JMJD1C: variants seen among roughly 807,000 people sequenced by gnomAD.
JMJD1C encodes the protein jumonji domain containing 1C.
In JMJD1C, 31 loss-of-function variants were observed where a neutral mutation model predicts 245.3. That is an observed-to-expected ratio of 0.13 (90% CI 0.09 to 0.17). The LOEUF (loss-of-function observed/expected upper bound fraction) is 0.17. JMJD1C is among the 10% of genes least tolerant of loss of function. The pLI, the probability that JMJD1C is intolerant of heterozygous loss-of-function variation, is 1.00. For synonymous variants in JMJD1C, 1,057 were observed against 1,017.4 expected, an observed-to-expected ratio of 1.04 and a Z score of -0.74; for missense variants, 2,691 against 3,000.2, an observed-to-expected ratio of 0.90 and a Z score of 2.41.
At chr10:63,430,729 T>C (rs1218614903) in intron 1 of JMJD1C, among the ~76,000 whole-genome samples, 2 of 152,202 alleles carry the variant, frequency 1.3e-5, no homozygotes, top group African/African-American at 4.8e-5. Context: ...TTTTATGCTA[T>C]GTAAATTATA....
At chr10:63,400,320 T>C (rs1020369767) in intron 1 of JMJD1C, among the ~76,000 whole-genome samples, 1 of 152,194 alleles carries the variant, frequency 6.6e-6, no homozygotes, top group African/African-American at 2.4e-5. Context: ...AACCCCATTA[T>C]AGGAGGTTAT....
chr10:63,238,289 T>C (rs76519798), intron 3 of JMJD1C, among the ~76,000 whole-genome samples: 2,320 of 151,754 alleles, frequency 0.015, 26 homozygotes, highest in Middle Eastern at 0.071. Flanking sequence ...GTATTATCCA[T>C]AGTACTCTTT....
intron 2 of JMJD1C, among the ~76,000 whole-genome samples, chr10:63,271,653 G>A (rs1487401015): frequency 9.2e-5 from 14 of 152,238 alleles, no homozygotes; most frequent in African/African-American, 3.4e-4. Context: ...CTGGGTTCAA[G>A]CGATTCTCCT....
rs1001060301 is a variant in JMJD1C at position 63,389,681 on chromosome 10, T to C, written c.169-9199A>G. On this transcript the variant is annotated intron_variant, in intron 1 of 25. Coordinates refer to ENST00000399262, the MANE Select transcript of JMJD1C (RefSeq NM_032776.3). ...AGAGTCTCAACAAATTTTTAAAAAT[T>C]AGAATTGTATCAAACCCTCAGACCA... Among the ~76,000 whole-genome samples, 3 of 152,198 alleles carry C rather than the reference T, an allele frequency of 2.0e-5. No homozygotes were observed. The East Asian group carries it at 5.8e-4, about 29-fold the overall frequency.
chr10:63,484,872 T>C (rs1172912847), intron 1 of JMJD1C, among the ~76,000 whole-genome samples: 1 of 151,908 alleles, frequency 6.6e-6, no homozygotes, highest in Non-Finnish European at 1.5e-5. Context: ...ACACTCACCT[T>C]TCCTCAGTTT....
intron 3 of JMJD1C, among the ~76,000 whole-genome samples, chr10:63,238,513 A>G (rs1851056535): frequency 6.6e-6 from 1 of 152,212 alleles, no homozygotes; most frequent in South Asian, 2.1e-4. Flanking sequence ...GAAATAACAT[A>G]CTGAACATAA....
intron 1 of JMJD1C, among the ~76,000 whole-genome samples, chr10:63,519,633 T>A (rs1453414471): frequency 6.6e-6 from 1 of 152,214 alleles, no homozygotes; most frequent in Non-Finnish European, 1.5e-5. Context: ...AAATTAGGAA[T>A]AATTGTCCCT....
rs1050106989 is a variant in JMJD1C, at chr10:63,213,415, G to A, written c.2694+58C>T. ...AAAAAATAGATGGAATATTGAAAAA[G>A]CACCTGTACATGTTCATTAATATAT... On this transcript the variant is annotated intron_variant, in intron 8 of 25. Coordinates refer to ENST00000399262, the MANE Select transcript of JMJD1C (RefSeq NM_032776.3). 5.2e-5 allele frequency: 50 copies of A among 959,946 alleles called. No homozygotes were observed. In the African/African-American group the frequency reaches 7.0e-4, roughly 13 times the overall value. 59.5% of individuals were successfully genotyped at this position (959,946 alleles called of 1,614,324 possible).
chr10:63,469,358 G>T (rs1953417758), upstream of JMJD1C, among the ~76,000 whole-genome samples: 1 of 152,168 alleles, frequency 6.6e-6, no homozygotes, highest in Non-Finnish European at 1.5e-5. Context: ...TTAGTAACTT[G>T]CCTAAGAATA....
chr10:63,267,471 T>C (rs943111496), intron 2 of JMJD1C, among the ~76,000 whole-genome samples: 1 of 152,122 alleles, frequency 6.6e-6, no homozygotes, highest in Non-Finnish European at 1.5e-5. Context: ...TTGTAGTAAA[T>C]AGTTCATGGG....
chr10:63,218,083 G>A (rs1291227614), intron 4 of JMJD1C, among the ~76,000 whole-genome samples: 2 of 151,942 alleles, frequency 1.3e-5, no homozygotes, highest in Non-Finnish European at 1.5e-5. Context: ...AGAACTGTAA[G>A]GGAAAAAACT....
At chr10:63,251,528 AGAAGAATTTGATCTG>A (rs1302158761) in intron 3 of JMJD1C, among the ~76,000 whole-genome samples, 1 of 152,220 alleles carries the variant, frequency 6.6e-6, no homozygotes, top group Non-Finnish European at 1.5e-5. Flanking sequence ...AGAAGATATT[AGAAGAATTTGATCTG>A]GAATTAGACT....
At chr10:63,278,558 CAA>C (rs1333453149) in intron 2 of JMJD1C, among the ~76,000 whole-genome samples, 6 of 150,256 alleles carry the variant, frequency 4.0e-5, no homozygotes, top group African/African-American at 1.2e-4. Flanking sequence ...AACAAACAAA[CAA>C]AAAAAAGAGT....
chr10:63,433,407 T>C (rs542783210), intron 1 of JMJD1C, among the ~76,000 whole-genome samples: 12 of 152,126 alleles, frequency 7.9e-5, no homozygotes, highest in African/African-American at 2.9e-4. Flanking sequence ...AAGGGAGTTA[T>C]TTATTTATTT....
chr10:63,204,361 G>T, intron 10 of JMJD1C: 1 of 985,278 alleles, frequency 1.0e-6, no homozygotes, highest in Non-Finnish European at 1.2e-6. Context: ...CCTTTTCTTA[G>T]AACTCTTACA....
Position 63,349,292 on chromosome 10 carries a change from G to A in JMJD1C, c.333+31026C>T, listed in dbSNP as rs1199983342. Among the ~76,000 whole-genome samples, 3 of 151,952 alleles carry A rather than the reference G, an allele frequency of 2.0e-5. No homozygotes were observed. The South Asian group carries it at 6.2e-4, about 32-fold the overall frequency. On this transcript the variant is annotated intron_variant, in intron 2 of 25. Coordinates refer to ENST00000399262, the MANE Select transcript of JMJD1C (RefSeq NM_032776.3). ...TTCTTTATAAATTACCCAGTCTCAG[G>A]TATTCCTTTTACAACAATGCCAAGT...
chr10:63,364,390 C>G (rs1945670749), intron 2 of JMJD1C, among the ~76,000 whole-genome samples: 1 of 152,228 alleles, frequency 6.6e-6, no homozygotes, highest in South Asian at 2.1e-4. Context: ...GACACCCACT[C>G]CCTACATTCT....
chr10:63,505,430 C>T (rs891830991), intron 1 of JMJD1C, among the ~76,000 whole-genome samples: 3 of 151,724 alleles, frequency 2.0e-5, no homozygotes, highest in Non-Finnish European at 2.9e-5. Context: ...AGGAATTTCA[C>T]GGTAAGATGA....
intron 13 of JMJD1C, chr10:63,194,583 A>C: frequency 2.3e-6 from 1 of 435,222 alleles, no homozygotes. Flanking sequence ...AAACAGTTCC[A>C]CCATTTCCTG....
Sources: gnomAD v4.1 joint callset for allele counts (sites outside exome capture counted in the v4.1 genomes callset) on GRCh38, gnomAD v4.1.1 for gene constraint, MANE v1.5 for transcripts, NCBI Gene and HGNC (gene_info 2026-07-23, HGNC 2026-07-21) for gene names.